The following CBLB variants were observed in gnomAD, a reference collection of about 807,000 sequenced individuals.
The protein encoded by CBLB is E3 ubiquitin-protein ligase CBL-B.
CBLB carries 31 observed loss-of-function variants against 104.9 expected under a neutral mutation model. The ratio of observed to expected loss-of-function variants is 0.30; its 90% CI spans 0.22 to 0.40. The LOEUF is 0.40. CBLB is among the 10% of genes least tolerant of loss of function. The pLI is 1.00. For synonymous variants in CBLB, 440 were observed against 422.6 expected (o/e 1.04, Z -0.51); for missense variants, 1,062 against 1,214.6 (o/e 0.87, Z 1.87).
chr3:105,848,244 G>A (rs1044050923), intron 3 of CBLB, among the ~76,000 whole-genome samples: 2 of 152,174 alleles, frequency 1.3e-5, no homozygotes, highest in South Asian at 4.1e-4. Flanking sequence ...AAGGTTTACT[G>A]TATCAGTCGG....
intron 4 of CBLB, among the ~76,000 whole-genome samples, chr3:105,761,311 C>A (rs896972815): frequency 2.0e-5 from 3 of 152,202 alleles, no homozygotes; most frequent in Non-Finnish European, 4.4e-5. Flanking sequence ...GGATTACAGG[C>A]ATGAGCCACT....
At chr3:105,762,703 C>T (rs1281203807) in intron 4 of CBLB, among the ~76,000 whole-genome samples, 1 of 152,186 alleles carries the variant, frequency 6.6e-6, no homozygotes, top group East Asian at 1.9e-4. Flanking sequence ...TGGAGGTAGA[C>T]ATCTGCTGCA....
chr3:105,795,487 G>A (rs2082156074), intron 3 of CBLB, among the ~76,000 whole-genome samples: 1 of 152,166 alleles, frequency 6.6e-6, no homozygotes, highest in Non-Finnish European at 1.5e-5. Flanking sequence ...TTGAGTATGT[G>A]TGTATAAAAT....
chr3:105,800,622 T>A (rs2082741449), intron 3 of CBLB, among the ~76,000 whole-genome samples: 2 of 152,132 alleles, frequency 1.3e-5, no homozygotes, highest in South Asian at 4.1e-4. Flanking sequence ...TACAAGCAGG[T>A]TGTTGACAAT....
At chr3:105,659,352 C>G in intron 18 of CBLB, 123 bp from the exon 19 acceptor site, 1 of 1,101,348 alleles carries the variant, frequency 9.1e-7, no homozygotes, top group East Asian at 2.5e-5. Context: ...TACAAATAAA[C>G]TTTTTTTCAA....
chr3:105,758,538 T>C (rs1283416785), intron 4 of CBLB, among the ~76,000 whole-genome samples: 1 of 151,710 alleles, frequency 6.6e-6, no homozygotes, highest in Non-Finnish European at 1.5e-5. Flanking sequence ...CTCATTCCAC[T>C]GACTCAACCT....
At chr3:105,783,360 A>G (rs1209544158) in intron 3 of CBLB, among the ~76,000 whole-genome samples, 1 of 152,188 alleles carries the variant, frequency 6.6e-6, no homozygotes, top group Non-Finnish European at 1.5e-5. Flanking sequence ...TATTTATCAC[A>G]GTAGCATTTC....
intron 12 of CBLB, among the ~76,000 whole-genome samples, chr3:105,693,803 C>A (rs2068012374): frequency 6.6e-6 from 1 of 151,936 alleles, no homozygotes; most frequent in South Asian, 2.1e-4. Flanking sequence ...AATGTTACAC[C>A]ATGATTCTTA....
At chr3:105,858,741 A>G (rs1157323964) in intron 2 of CBLB, among the ~76,000 whole-genome samples, 1 of 152,354 alleles carries the variant, frequency 6.6e-6, no homozygotes, top group South Asian at 2.1e-4. Flanking sequence ...TGACGTGTCA[A>G]TATTGAAATA....
At position 105,656,702 on chromosome 3, in the gene CBLB, T is replaced by C. The variant is rs933791313; in HGVS notation, c.*2268A>G. The C allele has an allele frequency of 2.8e-4, 50 of 179,746 alleles. No individual in the cohort carries two copies. Among genetic ancestry groups the C allele is most frequent in the African/African-American group, 1.2e-3 (48 of 40,920 alleles). The allele number at this position is 179,746 out of a possible 1,614,324, so 11.1% of individuals were successfully genotyped here. On this transcript the variant is annotated 3_prime_UTR_variant, in exon 19 of 19. Transcript: ENST00000394030. ...TCTCACTGGAAATTTTCAAATATTG[T>C]TTATAAACTGAATGAGAATGTGCTA...
rs761155072 is a variant in CBLB at position 105,681,819 on chromosome 3, C to CAGAG, written c.2202-2_2202-1insCTCT. ...CATACAGTGACCATTATCACAAGAC[C>CAGAG]TAAAGGACAGTTCAGAGTAAAATTA... On this transcript the variant is annotated splice_acceptor_variant, in intron 14 of 18. Coordinates refer to ENST00000394030, the MANE Select transcript of CBLB (RefSeq NM_170662.5). LOFTEE classifies it high-confidence loss of function. 6.4e-7 allele frequency: 1 copy of CAGAG among 1,573,468 alleles called. No homozygotes were observed. The highest frequency in any genetic ancestry group is 8.7e-7 in the Non-Finnish European group (1 of 1,143,896).
intron 1 of CBLB, chr3:105,868,062 C>T (rs2153164588): frequency 4.0e-6 from 2 of 502,360 alleles, no homozygotes; most frequent in Non-Finnish European, 6.5e-6. Flanking sequence ...CTCCAAGTTA[C>T]ATAAACATAA....
chr3:105,659,373 C>G (rs1365153094), intron 18 of CBLB, 144 bp from the exon 19 acceptor site: 1 of 873,892 alleles, frequency 1.1e-6, no homozygotes, highest in African/African-American at 1.7e-5. Flanking sequence ...TTTTTCCATA[C>G]TATTGTGAGA....
At chr3:105,668,022 G>T (rs909721575) in intron 18 of CBLB, among the ~76,000 whole-genome samples, 4 of 152,146 alleles carry the variant, frequency 2.6e-5, no homozygotes, top group African/African-American at 9.7e-5. Context: ...TGAACAGCCT[G>T]GTAGGCCTGT....
intron 4 of CBLB, 49 bp downstream of exon 4, chr3:105,776,347 G>A (rs757733385): frequency 5.8e-6 from 9 of 1,543,832 alleles, no homozygotes; most frequent in Admixed American, 1.7e-5. Flanking sequence ...GGAGGATACA[G>A]TAACCCTTGA....
chr3:105,726,399 A>G lies in CBLB; in HGVS notation c.1204-6149T>C, dbSNP rs74800077. On this transcript the variant is annotated intron_variant, in intron 9 of 18. Coordinates refer to ENST00000394030, the MANE Select transcript of CBLB (RefSeq NM_170662.5). ...GAATAACCACAGGAAAATTAATTTT[A>G]CATTTAATTGAATTAAAGTCCTTGG... 6.2e-3 allele frequency among the ~76,000 whole-genome samples: 940 copies of G among 152,288 alleles called. 30 individuals carry two copies. The highest frequency in any genetic ancestry group is 0.05 in the East Asian group (260 of 5,184).
intron 3 of CBLB, among the ~76,000 whole-genome samples, chr3:105,832,665 G>A (rs551196243): frequency 3.9e-5 from 6 of 152,018 alleles, no homozygotes; most frequent in Non-Finnish European, 5.9e-5. Context: ...AAACAAAAAC[G>A]AACCATCAAA....
In CBLB at chr3:105,695,147, T is replaced by C. The variant is rs181255474; in HGVS notation, c.1960-1559A>G. 1.4e-3 allele frequency among the ~76,000 whole-genome samples: 220 copies of C among 151,896 alleles called. 1 individual carries two copies. Among genetic ancestry groups the C allele is most frequent in the African/African-American group, 3.8e-3 (158 of 41,522 alleles). On this transcript the variant is annotated intron_variant, in intron 12 of 18. Transcript: ENST00000394030. Reference sequence around the variant, plus strand: ...TATTACAAATACATATAAAACTCATTTGGGAAAATGTAATGTGGATTTTAT... The same window carrying C: ...TATTACAAATACATATAAAACTCATCTGGGAAAATGTAATGTGGATTTTAT...
At position 105,703,856 on chromosome 3, in the gene CBLB, T is replaced by C. The variant is rs1576467906; in HGVS notation, c.1593+132A>G. 3 of 789,510 alleles carry C rather than the reference T, an allele frequency of 3.8e-6. No homozygotes were observed. The East Asian group carries it at 8.1e-5, about 21-fold the overall frequency. 48.9% of individuals were successfully genotyped at this position (789,510 alleles called of 1,614,324 possible). On this transcript the variant is annotated intron_variant, in intron 11 of 18. Transcript: ENST00000394030. ...ATATGAATGTGGGCTCACCATAAAC[T>C]AAACGAGAAACTCATCAAACTTATT...
Sources: allele counts gnomAD v4.1 joint callset (sites outside exome capture counted in the v4.1 genomes callset), GRCh38; gene constraint gnomAD v4.1.1; transcripts MANE v1.5; gene names NCBI Gene and HGNC (gene_info 2026-07-23, HGNC 2026-07-21).